Variants in USP32 observed in about 807,000 individuals in gnomAD.
USP32 encodes the protein ubiquitin specific peptidase 32, also known as ubiquitin carboxyl-terminal hydrolase 32.
USP32 carries 59 observed loss-of-function variants against 204.8 expected under a neutral mutation model. That is an observed-to-expected ratio of 0.29 (90% CI 0.23 to 0.36). The LOEUF (loss-of-function observed/expected upper bound fraction) is 0.36. Ranked by LOEUF, USP32 falls within the 10% of genes least tolerant of loss-of-function variation. The pLI, the probability that USP32 is intolerant of heterozygous loss-of-function variation, is 1.00. For missense variants in USP32, 1,160 were observed against 1,946.4 expected (o/e 0.60, Z 7.60); for synonymous variants, 517 against 678.4 (o/e 0.76, Z 3.70).
chr17:60,380,512 G>A (rs552349346), intron 1 of USP32, among the ~76,000 whole-genome samples: 3 of 152,280 alleles, frequency 2.0e-5, no homozygotes, highest in Non-Finnish European at 4.4e-5. Context: ...AGGCTGCAGT[G>A]AGCAGTAAAT....
intron 30 of USP32, among the ~76,000 whole-genome samples, chr17:60,184,068 T>C (rs2084184748): frequency 1.3e-5 from 2 of 151,534 alleles, no homozygotes; most frequent in African/African-American, 2.4e-5. Context: ...GGGTGGCTCA[T>C]GAGGTCAGGA....
At chr17:60,206,383 C>G (rs1210492839) in intron 25 of USP32, among the ~76,000 whole-genome samples, 1 of 149,494 alleles carries the variant, frequency 6.7e-6, no homozygotes, top group Admixed American at 6.6e-5. Flanking sequence ...AACCACATCT[C>G]AAGCGCTTAA....
intron 1 of USP32, among the ~76,000 whole-genome samples, chr17:60,376,420 A>T (rs979329983): frequency 6.6e-6 from 1 of 151,976 alleles, no homozygotes; most frequent in South Asian, 2.1e-4. Flanking sequence ...GCTGATTTTT[A>T]AAAATAATAA....
In USP32 at chr17:60,328,775, C is replaced by T. The variant is rs970140018; in HGVS notation, c.186+16706G>A. On this transcript the variant is annotated intron_variant, in intron 2 of 33. Coordinates refer to ENST00000300896, the MANE Select transcript of USP32 (RefSeq NM_032582.4). ...CAGACGCCATCACACTCCCCGGGAGCAGCCAGAGAAGCTGCTTGAAGTGCA... is the reference window on the plus strand; with the variant it reads ...CAGACGCCATCACACTCCCCGGGAGTAGCCAGAGAAGCTGCTTGAAGTGCA... Among the ~76,000 whole-genome samples, 13 of 152,330 alleles carry T rather than the reference C, an allele frequency of 8.5e-5. 1 individual carries two copies. The highest frequency in any genetic ancestry group is 6.5e-4 in the Admixed American group (10 of 15,300).
chr17:60,421,830 G>A (rs941757098), intron 1 of USP32: 72 of 984,008 alleles, frequency 7.3e-5, no homozygotes, highest in Non-Finnish European at 8.6e-5. Context: ...CCGACACCCG[G>A]CTCCCCGCCT....
chr17:60,408,757 G>T (rs1025012531), intron 1 of USP32, among the ~76,000 whole-genome samples: 3 of 151,768 alleles, frequency 2.0e-5, no homozygotes, highest in Non-Finnish European at 4.4e-5. Flanking sequence ...TATGTAACCT[G>T]AGCATGCCCA....
intron 1 of USP32, among the ~76,000 whole-genome samples, chr17:60,419,465 G>A (rs777785882): frequency 2.6e-5 from 4 of 152,084 alleles, no homozygotes; most frequent in South Asian, 2.1e-4. Flanking sequence ...GGCTGGGCAC[G>A]GTGGCTCATG....
intron 2 of USP32, among the ~76,000 whole-genome samples, chr17:60,342,690 G>A (rs372377838): frequency 4.6e-5 from 7 of 152,210 alleles, no homozygotes; most frequent in Non-Finnish European, 8.8e-5. Flanking sequence ...AGACTGCTGC[G>A]CTAACAGTGA....
intron 2 of USP32, among the ~76,000 whole-genome samples, chr17:60,308,939 C>T (rs2087792016): frequency 6.6e-6 from 1 of 151,928 alleles, no homozygotes; most frequent in South Asian, 2.1e-4. Flanking sequence ...AAATAAAAAA[C>T]AAGAAACTAG....
intron 2 of USP32, among the ~76,000 whole-genome samples, chr17:60,316,734 G>A (rs568050123): frequency 1.3e-5 from 2 of 152,162 alleles, no homozygotes; most frequent in South Asian, 2.1e-4. Flanking sequence ...CCAGCTACTC[G>A]GGTGGCTGAG....
chr17:60,220,698 C>T (rs1263568286), intron 15 of USP32, among the ~76,000 whole-genome samples: 2 of 151,726 alleles, frequency 1.3e-5, no homozygotes, highest in Non-Finnish European at 2.9e-5. Flanking sequence ...GGCTGGAGTG[C>T]AGTGGCCCGA....
chr17:60,399,445 A>C (rs1162635697), intron 1 of USP32, among the ~76,000 whole-genome samples: 1 of 152,074 alleles, frequency 6.6e-6, no homozygotes, highest in Non-Finnish European at 1.5e-5. Flanking sequence ...GCTTGAGTCC[A>C]GGAGTTTGAG....
chr17:60,305,042 A>G (rs1463733055), intron 2 of USP32: 1 of 152,210 alleles, frequency 6.6e-6, no homozygotes. Flanking sequence ...CAGAATTTTA[A>G]CCTAGGAAAG....
intron 2 of USP32, among the ~76,000 whole-genome samples, chr17:60,321,173 C>G (rs2088104180): frequency 6.6e-6 from 1 of 152,150 alleles, no homozygotes; most frequent in African/African-American, 2.4e-5. Context: ...TACCTCCCAG[C>G]TGTATATGAA....
At chr17:60,374,274 G>A (rs1378887661) in intron 1 of USP32, among the ~76,000 whole-genome samples, 1 of 151,962 alleles carries the variant, frequency 6.6e-6, no homozygotes, top group Non-Finnish European at 1.5e-5. Flanking sequence ...CCACCTTCAC[G>A]TATTGTCCCA....
intron 18 of USP32, among the ~76,000 whole-genome samples, chr17:60,212,447 A>AAAAGGC (rs1472347898): frequency 6.6e-6 from 1 of 152,214 alleles, no homozygotes; most frequent in East Asian, 1.9e-4. Context: ...TAGAACATAG[A>AAAAGGC]AAAGGCACAA....
rs1468492683 is a variant in USP32, at chr17:60,183,304, C to T, written c.3984G>A (p.Gln1328=). 2 of 1,613,984 alleles carry T rather than the reference C, an allele frequency of 1.2e-6. No homozygotes were observed. The highest frequency in any genetic ancestry group is 1.7e-5 in the Admixed American group (1 of 60,006). The change falls in exon 31 of 34, where the codon CAG becomes CAA. Residue 1328 remains glutamine (Q), a synonymous_variant. Coordinates refer to ENST00000300896, the MANE Select transcript of USP32 (RefSeq NM_032582.4). ...ALCQHKPLTP[Q]GDELSEPRIL... ...TCCTGGGCTCAGAGAGCTCATCCCC[C>T]TGGGGTGTGAGTGGTTTATGCTGGC...
chr17:60,294,825 A>AAT, intron 3 of USP32, 24 bp from the exon 4 acceptor site: 1 of 1,514,534 alleles, frequency 6.6e-7, no homozygotes, highest in Non-Finnish European at 9.1e-7. Context: ...AGATAGAATA[A>AAT]ATTAATCTTA....
At chr17:60,296,447 A>T (rs980547976) in intron 3 of USP32, among the ~76,000 whole-genome samples, 13 of 152,226 alleles carry the variant, frequency 8.5e-5, no homozygotes, top group African/African-American at 3.1e-4. Flanking sequence ...CTGCAGGCCA[A>T]GGAACCCCAA....
Sources: allele counts gnomAD v4.1 joint callset (sites outside exome capture counted in the v4.1 genomes callset), GRCh38; gene constraint gnomAD v4.1.1; transcripts MANE v1.5; gene names NCBI Gene and HGNC (gene_info 2026-07-23, HGNC 2026-07-21).